The following PISD variants were observed in gnomAD, a reference collection of about 807,000 sequenced individuals.
The protein encoded by PISD is phosphatidylserine decarboxylase proenzyme, mitochondrial.
PISD carries 31 observed loss-of-function variants against 43.5 expected under a neutral mutation model. The observed-to-expected ratio is 0.71, with a 90% CI of 0.54 to 0.96. The LOEUF (loss-of-function observed/expected upper bound fraction) is 0.96, where lower values mean the gene tolerates loss of function less well. Ranked by LOEUF, PISD falls within the 40% of genes least tolerant of loss-of-function variation. The pLI is 0.00. For missense variants in PISD, 523 were observed against 548.4 expected (o/e 0.95, Z 0.46); for synonymous variants, 259 against 228.7 (o/e 1.13, Z -1.20).
At chr22:31,638,509 C>T (rs1420582183) in intron 3 of PISD, 9 of 985,334 alleles carry the variant, frequency 9.1e-6, no homozygotes, top group African/African-American at 3.5e-5. Flanking sequence ...CCAAGAAGAC[C>T]GGCAGAGAGG....
intron 2 of PISD, among the ~76,000 whole-genome samples, chr22:31,650,406 G>A (rs1041269606): frequency 1.3e-5 from 2 of 152,020 alleles, no homozygotes; most frequent in East Asian, 1.9e-4. Context: ...AGGCGTGGTG[G>A]TGCACATCTG....
chr22:31,629,085 G>T, intron 3 of PISD: 1 of 985,418 alleles, frequency 1.0e-6, no homozygotes, highest in African/African-American at 1.7e-5. Flanking sequence ...GTAAGGCAGT[G>T]TCCCCACCCG....
At position 31,619,515 on chromosome 22, in the gene PISD, A is replaced by G; in HGVS notation, c.*97T>C. On this transcript the variant is annotated 3_prime_UTR_variant, in exon 8 of 8. Coordinates refer to ENST00000439502, the MANE Select transcript of PISD (RefSeq NM_001326411.2). Reference sequence around the variant, plus strand: ...GTCAGACTCCCAACCACGCTGAGGCAGGCCCTTACCTGGATGGCCTCATGG... The same window carrying G: ...GTCAGACTCCCAACCACGCTGAGGCGGGCCCTTACCTGGATGGCCTCATGG... 2.2e-6 allele frequency: 2 copies of G among 918,262 alleles called. No homozygotes were observed. The highest frequency in any genetic ancestry group is 3.5e-6 in the Non-Finnish European group (2 of 565,698). The allele number at this position is 918,262 out of a possible 1,614,324, so 56.9% of individuals were successfully genotyped here. A position where few individuals can be genotyped will look rare whatever the true frequency, so the allele number is the denominator to read the frequency against.
At chr22:31,633,893 G>A (rs889207275) in intron 3 of PISD, among the ~76,000 whole-genome samples, 4 of 152,182 alleles carry the variant, frequency 2.6e-5, no homozygotes, top group African/African-American at 9.7e-5. Context: ...AAAAAAAATT[G>A]TCTGGAAATT....
chr22:31,643,598 A>AAAAAC (rs1387157702), intron 3 of PISD, among the ~76,000 whole-genome samples: 1 of 152,158 alleles, frequency 6.6e-6, no homozygotes, highest in South Asian at 2.1e-4. Flanking sequence ...CCTGTCTCTG[A>AAAAAC]AAAACAAAAC....
At position 31,620,976 on chromosome 22, in the gene PISD, C is replaced by G. The variant is rs763673248; in HGVS notation, c.844+20G>C. On this transcript the variant is annotated intron_variant, in intron 6 of 7. Transcript: ENST00000439502. ...TGAAGCCCACAGAGGCAGCTCCCCC[C>G]ACGCTGGCCCCGGGCTGACCTGGGA... The G allele has an allele frequency of 4.8e-5, 76 of 1,598,926 alleles. No individual in the cohort carries two copies. The Middle Eastern group carries it at 5.2e-4, about 11-fold the overall frequency.
Position 31,641,663 on chromosome 22 carries a change from C to T in PISD, c.321+6438G>A, listed in dbSNP as rs570631170. On this transcript the variant is annotated intron_variant, in intron 3 of 7. Transcript: ENST00000439502. ...AAACCCGATCTCTACTAAAAACACA[C>T]AAAAAAATTAGCCAGGTGTGGTGCC... Among the ~76,000 whole-genome samples the T allele has an allele frequency of 2.2e-4, 33 of 150,424 alleles. 1 individual carries two copies. The highest frequency in any genetic ancestry group is 3.7e-4 in the Non-Finnish European group (25 of 67,948).
Position 31,621,136 on chromosome 22 carries a change from G to A in PISD, c.704C>T (p.Ser235Leu), listed in dbSNP as rs771449559. ...TEDLPFPPAA[S>L]CDSFKNQLVT... ...CAGCTGGTTCTTGAAGGAGTCACACGACGCGGCTGTGGAGTAGGAGCAGAC... is the reference window on the plus strand; with the variant it reads ...CAGCTGGTTCTTGAAGGAGTCACACAACGCGGCTGTGGAGTAGGAGCAGAC... Residue 235 changes from serine (S) to leucine (L), a missense_variant, in exon 6 of 8, where the codon TCG becomes TTG. By Grantham distance (145) the Ser-to-Leu change is moderately radical. Transcript: ENST00000439502. 44 of 1,614,056 alleles carry A rather than the reference G, an allele frequency of 2.7e-5. No individual in the cohort carries two copies. The highest frequency in any genetic ancestry group is 2.3e-4 in the Admixed American group (14 of 60,004).
Position 31,619,250 on chromosome 22 carries a change from G to C in PISD, c.*362C>G, listed in dbSNP as rs1445803273. ...CAACAGAAAACAGCTCAGGTGATGG[G>C]GGGAGGAGCAGCAAGAAAAAACGAC... On this transcript the variant is annotated 3_prime_UTR_variant, in exon 8 of 8. Coordinates refer to ENST00000439502, the MANE Select transcript of PISD (RefSeq NM_001326411.2). The C allele has an allele frequency of 5.7e-6, 2 of 350,626 alleles. No individual in the cohort carries two copies. The highest frequency in any genetic ancestry group is 2.1e-5 in the African/African-American group (1 of 46,872). The allele number at this position is 350,626 out of a possible 1,614,324, so 21.7% of individuals were successfully genotyped here. A position where few individuals can be genotyped will look rare whatever the true frequency, so the allele number is the denominator to read the frequency against.
chr22:31,625,784 G>C (rs1294708661), intron 3 of PISD: 1 of 1,597,688 alleles, frequency 6.3e-7, no homozygotes, highest in Non-Finnish European at 8.5e-7. Flanking sequence ...GCGGAGCTCT[G>C]GTCCTTGCCG....
At chr22:31,623,738 C>T (rs2072714475) in intron 3 of PISD, 2 of 1,614,178 alleles carry the variant, frequency 1.2e-6, no homozygotes, top group Non-Finnish European at 8.5e-7. Flanking sequence ...CGCCGAAGGG[C>T]AGGAGGTAGT....
intron 3 of PISD, among the ~76,000 whole-genome samples, chr22:31,634,622 G>A (rs2073346051): frequency 6.6e-6 from 1 of 152,144 alleles, no homozygotes; most frequent in Non-Finnish European, 1.5e-5. Context: ...CAGATCACCT[G>A]AGGTGAGAAG....
intron 3 of PISD, among the ~76,000 whole-genome samples, chr22:31,642,363 G>C (rs1273952580): frequency 6.6e-6 from 1 of 151,208 alleles, no homozygotes; most frequent in Non-Finnish European, 1.5e-5. Flanking sequence ...GCTGAGGTGA[G>C]AGGACTGCTT....
Position 31,648,257 on chromosome 22 carries a change from A to G in PISD, c.165T>C (p.Thr55=), listed in dbSNP as rs764568820. 6.2e-7 allele frequency: 1 copy of G among 1,609,204 alleles called. No individual in the cohort carries two copies. The highest frequency in any genetic ancestry group is 1.1e-5 in the South Asian group (1 of 90,220). Residue 55 remains threonine, a synonymous_variant, in exon 3 of 8, where the codon ACT becomes ACC. Transcript: ENST00000439502. ...GCAGGAACATGGTTCGGGCAGGGGC[A>G]GTGTGGATTTTTCTGGCATCTGTAA... The part of the protein sequence containing the change: ...AFRTDARKIH[T]APARTMFLLR...
chr22:31,620,497 A>T, intron 7 of PISD, 56 bp downstream of exon 7: 2 of 1,561,702 alleles, frequency 1.3e-6, no homozygotes, highest in South Asian at 2.2e-5. Flanking sequence ...CAGACAAGGC[A>T]GGTAGACCCA....
chr22:31,662,323 G>T, upstream of PISD: 1 of 1,061,534 alleles, frequency 9.4e-7, no homozygotes, highest in Non-Finnish European at 1.4e-6. Flanking sequence ...TGGGGGCGGA[G>T]CCGACTAAGC....
chr22:31,637,196 T>G (rs1327787649), intron 3 of PISD, among the ~76,000 whole-genome samples: 1 of 88,188 alleles, frequency 1.1e-5, no homozygotes, highest in African/African-American at 4.9e-5. Flanking sequence ...TATATATATA[T>G]ATATATATAT....
At chr22:31,662,394 T>G (rs1187446497), upstream of PISD, 3 of 621,470 alleles carry the variant, frequency 4.8e-6, no homozygotes, top group Non-Finnish European at 8.7e-6. Flanking sequence ...GGGGAACTAG[T>G]GGAGCTGTAG....
Position 31,654,458 on chromosome 22 carries a change from C to T in PISD, c.66-3680G>A, listed in dbSNP as rs543332210. On this transcript the variant is annotated intron_variant, in intron 1 of 7. Transcript: ENST00000439502. ...TCATTGCTCCTCCAGGGGCCAGCTA[C>T]CCAATGGCCCCATTTTGAGTCCTCT... 5.3e-5 allele frequency among the ~76,000 whole-genome samples: 8 copies of T among 152,246 alleles called. No homozygotes were observed. In the Middle Eastern group the frequency reaches 0.01, roughly 194 times the overall value.
Sources: allele counts gnomAD v4.1 joint callset (sites outside exome capture counted in the v4.1 genomes callset), GRCh38; gene constraint gnomAD v4.1.1; transcripts MANE v1.5; gene names NCBI Gene and HGNC (gene_info 2026-07-23, HGNC 2026-07-21).